PDE3B: variants seen among roughly 807,000 people sequenced by gnomAD.
PDE3B encodes the protein cGMP-inhibited 3',5'-cyclic phosphodiesterase 3B.
A neutral mutation model predicts 116.8 loss-of-function variants in PDE3B; 66 were observed. That is an observed-to-expected ratio of 0.56 (90% CI 0.46 to 0.69). PDE3B has a LOEUF of 0.69. Ranked by LOEUF, PDE3B falls within the 30% of genes least tolerant of loss-of-function variation. The pLI, the probability that PDE3B is intolerant of heterozygous loss-of-function variation, is 0.00. For synonymous variants in PDE3B, 595 were observed against 533.6 expected (o/e 1.12, Z -1.59); for missense variants, 1,384 against 1,368.1 (o/e 1.01, Z -0.18).
chr11:14,892,070 G>A, the PDE3B span: 1 of 1,611,752 alleles, frequency 6.2e-7, no homozygotes. Context: ...ATAAATGGCA[G>A]CCCCGGCGGC....
intron 1 of PDE3B, among the ~76,000 whole-genome samples, chr11:14,668,104 A>T (rs1428577334): frequency 6.6e-6 from 1 of 151,420 alleles, no homozygotes; most frequent in Non-Finnish European, 1.5e-5. Flanking sequence ...AGAAAGGGGG[A>T]GACATCCAGG....
the PDE3B span, chr11:14,879,985 A>C: frequency 2.6e-6 from 2 of 756,248 alleles, no homozygotes; most frequent in Non-Finnish European, 2.1e-6. Flanking sequence ...ATAGATTTGA[A>C]AACTCTTTTT....
At chr11:14,850,645 G>A (rs1847726221) in intron 12 of PDE3B, among the ~76,000 whole-genome samples, 2 of 151,840 alleles carry the variant, frequency 1.3e-5, no homozygotes, top group South Asian at 2.1e-4. Flanking sequence ...TCTTACTTCT[G>A]AATATATTAG....
rs189466987 is a variant in PDE3B at position 14,651,053 on chromosome 11, A to G, written c.978+6000A>G. 2.3e-3 allele frequency among the ~76,000 whole-genome samples: 356 copies of G among 152,264 alleles called. 1 individual carries two copies. The highest frequency in any genetic ancestry group is 8.1e-3 in the African/African-American group (336 of 41,550). ...GTAGCACAAACTAGGTGGCTTGAAC[A>G]GCAGAAATGAATTGTCTCAAGTTCT... On this transcript the variant is annotated intron_variant, in intron 1 of 15. Coordinates refer to ENST00000282096, the MANE Select transcript of PDE3B (RefSeq NM_000922.4).
intron 1 of PDE3B, among the ~76,000 whole-genome samples, chr11:14,726,617 C>G (rs1856312931): frequency 6.6e-6 from 1 of 152,006 alleles, no homozygotes; most frequent in African/African-American, 2.4e-5. Flanking sequence ...TTAGAAGGAC[C>G]CAACAAGTTA....
chr11:14,779,087 G>A (rs956333432), intron 2 of PDE3B, among the ~76,000 whole-genome samples: 2 of 152,032 alleles, frequency 1.3e-5, no homozygotes, highest in East Asian at 1.9e-4. Flanking sequence ...TTGAAGATCA[G>A]ATGAATGAAA....
the PDE3B span, among the ~76,000 whole-genome samples, chr11:14,882,975 A>G: frequency 6.6e-6 from 1 of 152,200 alleles, no homozygotes; most frequent in Non-Finnish European, 1.5e-5. Context: ...CCAACTTACA[A>G]GGGATGTGAA....
intron 1 of PDE3B, among the ~76,000 whole-genome samples, chr11:14,687,038 A>G (rs1854899184): frequency 6.6e-6 from 1 of 152,168 alleles, no homozygotes; most frequent in African/African-American, 2.4e-5. Context: ...TATTTTTTAT[A>G]GTAAAAATGC....
intron 1 of PDE3B, among the ~76,000 whole-genome samples, chr11:14,719,117 A>T (rs1449745007): frequency 9.6e-5 from 4 of 41,530 alleles, no homozygotes; most frequent in Admixed American, 3.0e-4. Context: ...AGAAATACAA[A>T]CTACCATCAG....
At chr11:14,801,746 C>T (rs947438564) in intron 4 of PDE3B, among the ~76,000 whole-genome samples, 3 of 152,206 alleles carry the variant, frequency 2.0e-5, no homozygotes, top group Non-Finnish European at 4.4e-5. Flanking sequence ...CCACCCCTTC[C>T]CCCAGGTGCT....
chr11:14,798,972 A>G (rs1858656041), intron 4 of PDE3B, among the ~76,000 whole-genome samples: 1 of 151,970 alleles, frequency 6.6e-6, no homozygotes. Context: ...GCCTTCTGCT[A>G]GCTTTTGAAT....
intron 7 of PDE3B, among the ~76,000 whole-genome samples, chr11:14,824,934 A>G (rs1859641150): frequency 6.6e-6 from 1 of 152,164 alleles, no homozygotes; most frequent in African/African-American, 2.4e-5. Flanking sequence ...TGGACATCTC[A>G]GCAGAAACCC....
intron 1 of PDE3B, among the ~76,000 whole-genome samples, chr11:14,736,004 A>G (rs1856588423): frequency 1.5e-5 from 2 of 136,834 alleles, no homozygotes; most frequent in Non-Finnish European, 3.1e-5. Context: ...GTGACTCCTT[A>G]TTGTTGATTG....
chr11:14,819,312 T>A, intron 7 of PDE3B, 103 bp downstream of exon 7: 1 of 684,290 alleles, frequency 1.5e-6, no homozygotes, highest in Non-Finnish European at 2.6e-6. Flanking sequence ...TATCCATCTT[T>A]AAAATGAAGA....
chr11:14,758,869 G>A (rs1857271406), intron 1 of PDE3B, among the ~76,000 whole-genome samples: 1 of 151,718 alleles, frequency 6.6e-6, no homozygotes, highest in Non-Finnish European at 1.5e-5. Context: ...AATGCTTCCA[G>A]TTTTTGCCCA....
At chr11:14,738,936 C>T (rs1856678552) in intron 1 of PDE3B, among the ~76,000 whole-genome samples, 1 of 152,134 alleles carries the variant, frequency 6.6e-6, no homozygotes, top group South Asian at 2.1e-4. Context: ...ATTTCTGAGG[C>T]TCCTGCTCTG....
chr11:14,685,345 A>T (rs1374496886), intron 1 of PDE3B, among the ~76,000 whole-genome samples: 1 of 150,680 alleles, frequency 6.6e-6, no homozygotes, highest in African/African-American at 2.4e-5. Context: ...CCAGAATGGG[A>T]TATGAATGTT....
the PDE3B span, chr11:14,877,757 G>A: frequency 9.9e-6 from 2 of 201,822 alleles, no homozygotes; most frequent in African/African-American, 4.7e-5. Context: ...GAAGGGAGCT[G>A]GTTTCTGGAA....
At chr11:14,846,658 A>C (rs1847610099) in intron 12 of PDE3B, among the ~76,000 whole-genome samples, 2 of 152,202 alleles carry the variant, frequency 1.3e-5, no homozygotes, top group Non-Finnish European at 2.9e-5. Flanking sequence ...TACCAAGCAA[A>C]TGAAAAACAA....
Sources: gnomAD v4.1 joint callset for allele counts (sites outside exome capture counted in the v4.1 genomes callset) on GRCh38, gnomAD v4.1.1 for gene constraint, MANE v1.5 for transcripts, NCBI Gene and HGNC (gene_info 2026-07-23, HGNC 2026-07-21) for gene names.